Variants in ECD observed in about 807,000 individuals in gnomAD.
ECD encodes the protein ecdysoneless cell cycle regulator, also known as protein ecdysoneless homolog.
A neutral mutation model predicts 77.2 loss-of-function variants in ECD; 59 were observed. The ratio of observed to expected loss-of-function variants is 0.76; its 90% CI spans 0.62 to 0.95. ECD has a LOEUF of 0.95. Among genes scored for constraint, ECD ranks in the 40% least tolerant of loss-of-function variants. The pLI is 0.00. For synonymous variants in ECD, 233 were observed against 267.4 expected (o/e 0.87, Z 1.26); for missense variants, 704 against 763.4 (o/e 0.92, Z 0.92).
intron 4 of ECD, 26 bp downstream of exon 4, chr10:73,156,542 A>C: frequency 6.2e-7 from 1 of 1,613,638 alleles, no homozygotes. Flanking sequence ...CATCTCTATA[A>C]ATTTTCTAAA....
chr10:73,146,362 CT>C lies in ECD; in HGVS notation c.1042-2del. On this transcript the variant is annotated splice_acceptor_variant, in intron 8 of 13. Coordinates refer to ENST00000372979, the MANE Select transcript of ECD (RefSeq NM_007265.3). LOFTEE classifies it high-confidence loss of function. ...ACTGAGCAGAACCTTCTATCAGTCC[CT>C]TAAAAAAAAAAAAAGGTCTATCAGA... 6.3e-7 allele frequency: 1 copy of C among 1,579,226 alleles called. No individual in the cohort carries two copies.
Position 73,146,348 on chromosome 10 carries a change from C to A in ECD, c.1055G>T (p.Gly352Val). Residue 352 changes from glycine (G) to valine (V), a missense_variant, in exon 9 of 14, where the codon GGT (glycine) becomes GTT (valine). This residue lies in a region of ECD where 559 missense variants were observed against 583.7 expected (regional missense o/e 0.96). Coordinates refer to ENST00000372979, the MANE Select transcript of ECD (RefSeq NM_007265.3). ...KNDYFKGLIE[G>V]SAQYRERLEM... ...TAGCCTTTCCCGGTACTGAGCAGAA[C>A]CTTCTATCAGTCCCTTAAAAAAAAA... 6.2e-7 allele frequency: 1 copy of A among 1,603,124 alleles called. No homozygotes were observed. Among genetic ancestry groups the A allele is most frequent in the Non-Finnish European group, 8.5e-7 (1 of 1,173,788 alleles).
At chr10:73,140,549 G>C (rs550602638) in intron 9 of ECD, among the ~76,000 whole-genome samples, 1 of 151,898 alleles carries the variant, frequency 6.6e-6, no homozygotes, top group Non-Finnish European at 1.5e-5. Context: ...GGGCATTGTG[G>C]CACGTGCCTG....
At position 73,134,044 on chromosome 10, in the gene ECD, G is replaced by T. The variant is rs1256742024; in HGVS notation, c.*539C>A. The T allele has an allele frequency of 6.5e-6, 1 of 152,738 alleles. No individual in the cohort carries two copies. The highest frequency in any genetic ancestry group is 2.4e-5 in the African/African-American group (1 of 41,380). The allele number at this position is 152,738 out of a possible 1,614,324, so 9.5% of individuals were successfully genotyped here. ...TATAATTTAAAGGGTAAATTTTTTG[G>T]TATGTGACATATCAATATAGCTGTT... is the stretch of plus-strand genomic sequence containing the variant. On this transcript the variant is annotated 3_prime_UTR_variant, in exon 14 of 14. Coordinates refer to ENST00000372979, the MANE Select transcript of ECD (RefSeq NM_007265.3).
chr10:73,138,515 A>G (rs763598465), intron 11 of ECD, among the ~76,000 whole-genome samples: 7 of 152,208 alleles, frequency 4.6e-5, no homozygotes, highest in Non-Finnish European at 7.3e-5. Context: ...CATCAGGTTC[A>G]AGAGCATCAA....
intron 9 of ECD, among the ~76,000 whole-genome samples, chr10:73,141,642 T>C (rs1464405860): frequency 1.3e-5 from 2 of 152,236 alleles, no homozygotes; most frequent in Non-Finnish European, 1.5e-5. Context: ...AGTGAAAGTT[T>C]ATTACCTTCT....
intron 7 of ECD, among the ~76,000 whole-genome samples, chr10:73,149,837 T>C (rs1243470171): frequency 1.3e-5 from 2 of 152,172 alleles, no homozygotes; most frequent in African/African-American, 2.4e-5. Flanking sequence ...TTTTTCTGTA[T>C]ATATTCTCAA....
At chr10:73,155,877 T>G (rs1843289438) in intron 5 of ECD, among the ~76,000 whole-genome samples, 2 of 152,194 alleles carry the variant, frequency 1.3e-5, no homozygotes, top group Admixed American at 6.5e-5. Flanking sequence ...GTGCTGGGAT[T>G]ACAGGTGTGA....
intron 12 of ECD, 131 bp downstream of exon 12, chr10:73,137,872 T>C: frequency 3.3e-6 from 2 of 610,174 alleles, no homozygotes; most frequent in South Asian, 4.0e-5. Context: ...TAATTCATGG[T>C]TGAAAGCAAC....
Position 73,163,847 on chromosome 10 carries a change from G to A in ECD, c.91C>T (p.His31Tyr), listed in dbSNP as rs1265414899. The A allele has an allele frequency of 3.7e-6, 6 of 1,614,056 alleles. No homozygotes were observed. The African/African-American group carries it at 8.0e-5, about 22-fold the overall frequency. The change falls in exon 2 of 14, where the codon CAT (histidine) becomes TAT (tyrosine). Residue 31 changes from histidine (H) to tyrosine (Y), a missense_variant. Coordinates refer to ENST00000372979, the MANE Select transcript of ECD (RefSeq NM_007265.3). Reference sequence around the variant, plus strand: ...ATGTACTTCTGAAGAATCTCTTTATGTTTATCTGAGTCCCTTGACTCATCT... The same window carrying A: ...ATGTACTTCTGAAGAATCTCTTTATATTTATCTGAGTCCCTTGACTCATCT... ...IPDESRDSDKHKEILQKYIER... is the reference protein window; with the variant it reads ...IPDESRDSDKYKEILQKYIER...
chr10:73,163,650 A>G, intron 2 of ECD, 83 bp downstream of exon 2: 1 of 1,364,270 alleles, frequency 7.3e-7, no homozygotes, highest in Non-Finnish European at 1.0e-6. Flanking sequence ...GGCAACACTG[A>G]ATGAAGCGTG....
At position 73,163,724 on chromosome 10, in the gene ECD, G is replaced by A. The variant is rs1843410240; in HGVS notation, c.205+9C>T. 1 of 1,613,182 alleles carries A rather than the reference G, an allele frequency of 6.2e-7. No individual in the cohort carries two copies. Among genetic ancestry groups the A allele is most frequent in the Non-Finnish European group, 8.5e-7 (1 of 1,179,680 alleles). Reference sequence around the variant, plus strand: ...GTCACACTAATCCAAACAAGTAAAAGAGCCTTACCTTTCCCAGGTTTATAT... The same window carrying A: ...GTCACACTAATCCAAACAAGTAAAAAAGCCTTACCTTTCCCAGGTTTATAT... On this transcript the variant is annotated intron_variant, in intron 2 of 13. Coordinates refer to ENST00000372979, the MANE Select transcript of ECD (RefSeq NM_007265.3).
intron 9 of ECD, among the ~76,000 whole-genome samples, chr10:73,143,261 A>G (rs537489599): frequency 1.3e-5 from 2 of 152,266 alleles, no homozygotes; most frequent in South Asian, 4.1e-4. Context: ...CTCCACCTCC[A>G]GGGTTCATGC....
rs1843299268 is a variant in ECD at position 73,156,552 on chromosome 10, A to G, written c.411+16T>C. On this transcript the variant is annotated intron_variant, in intron 4 of 13. Coordinates refer to ENST00000372979, the MANE Select transcript of ECD (RefSeq NM_007265.3). ...GATTTCATCTCTATAAATTTTCTAAACTTGGGTATACTTACCCTATTGGTG... is the reference window on the plus strand; with the variant it reads ...GATTTCATCTCTATAAATTTTCTAAGCTTGGGTATACTTACCCTATTGGTG... 1 of 1,613,824 alleles carries G rather than the reference A, an allele frequency of 6.2e-7. No individual in the cohort carries two copies.
At chr10:73,159,238 T>C (rs1464878571) in intron 3 of ECD, among the ~76,000 whole-genome samples, 4 of 152,272 alleles carry the variant, frequency 2.6e-5, no homozygotes, top group African/African-American at 4.8e-5. Context: ...CGGAACGCCC[T>C]CTGCTGGCAA....
At chr10:73,152,538 C>A in intron 6 of ECD, 117 bp from the exon 7 acceptor site, 2 of 1,203,340 alleles carry the variant, frequency 1.7e-6, no homozygotes, top group Non-Finnish European at 2.3e-6. Flanking sequence ...ATATGAAATG[C>A]AAAGAAGATT....
Sources: allele counts gnomAD v4.1 joint callset (sites outside exome capture counted in the v4.1 genomes callset), GRCh38; gene constraint gnomAD v4.1.1; regional missense constraint gnomAD v4.1.1; transcripts MANE v1.5; gene names NCBI Gene and HGNC (gene_info 2026-07-23, HGNC 2026-07-21).